The following RASA2 variants were observed in gnomAD, a reference collection of about 807,000 sequenced individuals.
RASA2 encodes the protein ras GTPase-activating protein 2.
RASA2 carries 155 observed loss-of-function variants against 118.2 expected under a neutral mutation model. That is an observed-to-expected ratio of 1.31 (90% confidence interval 1.15 to 1.50). The LOEUF is 1.50. RASA2 is among the 40% of genes most tolerant of loss of function. The pLI is 0.00. For missense variants in RASA2, 1,016 were observed against 1,009.6 expected (o/e 1.01, Z -0.09); for synonymous variants, 353 against 349.1 (o/e 1.01, Z -0.12).
intron 4 of RASA2, among the ~76,000 whole-genome samples, chr3:141,539,932 T>G (rs2082383438): frequency 6.6e-6 from 1 of 152,174 alleles, no homozygotes; most frequent in Non-Finnish European, 1.5e-5. Flanking sequence ...ATCTTTTGTT[T>G]ATTGTCTTCC....
In RASA2 at chr3:141,612,727, A is replaced by G. The variant is rs1207723432; in HGVS notation, c.*414A>G. ...ACATTGTGTTTTACTAGAAAATTCC[A>G]ATTCATGACAGTTCAGAGCTTTTCA... On this transcript the variant is annotated 3_prime_UTR_variant, in exon 24 of 24. Coordinates refer to ENST00000286364, the MANE Select transcript of RASA2 (RefSeq NM_006506.5). 2 of 156,782 alleles carry G rather than the reference A, an allele frequency of 1.3e-5. No homozygotes were observed. Among genetic ancestry groups the G allele is most frequent in the Admixed American group, 1.3e-4 (2 of 15,660 alleles). 9.7% of individuals were successfully genotyped at this position (156,782 alleles called of 1,614,324 possible).
At chr3:141,601,919 T>G (rs146155741) in intron 19 of RASA2, among the ~76,000 whole-genome samples, 224 of 152,360 alleles carry the variant, frequency 1.5e-3, no homozygotes, top group African/African-American at 5.1e-3. Context: ...ATTTAGCTCA[T>G]GTGAATTTTT....
chr3:141,514,861 C>T (rs779811441), intron 2 of RASA2, among the ~76,000 whole-genome samples: 23 of 152,204 alleles, frequency 1.5e-4, no homozygotes, highest in Non-Finnish European at 3.2e-4. Flanking sequence ...ACAACAACAT[C>T]GAAAAAATCT....
chr3:141,534,228 G>C (rs780171413), intron 4 of RASA2, among the ~76,000 whole-genome samples: 1 of 152,108 alleles, frequency 6.6e-6, no homozygotes, highest in Non-Finnish European at 1.5e-5. Context: ...GTGATAAAAA[G>C]CATACTTTAC....
intron 19 of RASA2, among the ~76,000 whole-genome samples, chr3:141,598,804 G>C (rs1453041964): frequency 2.0e-5 from 3 of 152,026 alleles, no homozygotes; most frequent in Non-Finnish European, 2.9e-5. Flanking sequence ...ACCAAAGAAG[G>C]CTGGGCACGG....
At position 141,612,233 on chromosome 3, in the gene RASA2, A is replaced by G. The variant is rs781471091; in HGVS notation, c.2520-50A>G. ...ATGGATTATATATTTGTCACCCTTT[A>G]AATTTTTGTATTTCTTAAATTTTGA... is the stretch of plus-strand genomic sequence containing the variant. On this transcript the variant is annotated intron_variant, in intron 23 of 23. Coordinates refer to ENST00000286364, the MANE Select transcript of RASA2 (RefSeq NM_006506.5). 4.4e-6 allele frequency: 6 copies of G among 1,369,024 alleles called. No individual in the cohort carries two copies. In the South Asian group the frequency reaches 7.6e-5, roughly 17 times the overall value. The allele number at this position is 1,369,024 out of a possible 1,614,324, so 84.8% of individuals were successfully genotyped here.
chr3:141,558,986 A>C (rs1257639971), intron 8 of RASA2, 24 bp downstream of exon 8: 1 of 1,553,396 alleles, frequency 6.4e-7, no homozygotes, highest in South Asian at 1.2e-5. Context: ...GGTTTTACAG[A>C]ATTGCTTTTT....
At chr3:141,571,262 A>G in intron 10 of RASA2, 144 bp from the exon 11 acceptor site, 2 of 1,278,494 alleles carry the variant, frequency 1.6e-6, no homozygotes, top group Non-Finnish European at 2.2e-6. Context: ...TCCCACAATC[A>G]TCTCTGATAA....
At chr3:141,580,298 C>CT in intron 15 of RASA2, 70 bp from the exon 16 acceptor site, 1 of 1,198,292 alleles carries the variant, frequency 8.3e-7, no homozygotes. Context: ...TCCATTTACT[C>CT]TATTCTACTT....
At chr3:141,540,687 G>T (rs1478050851) in intron 5 of RASA2, 78 bp downstream of exon 5, 1 of 1,242,410 alleles carries the variant, frequency 8.0e-7, no homozygotes, top group South Asian at 1.4e-5. Flanking sequence ...CCAACTCCTT[G>T]TTTTAACTTC....
intron 10 of RASA2, 150 bp downstream of exon 10, chr3:141,571,218 A>T: frequency 8.4e-7 from 1 of 1,195,844 alleles, no homozygotes. Flanking sequence ...ATTTCTATTT[A>T]TCTGAACCAG....
rs761277674 is a variant in RASA2 at position 141,487,077 on chromosome 3, C to G, written c.-7C>G. On this transcript the variant is annotated 5_prime_UTR_variant, in exon 1 of 24. Transcript: ENST00000286364. ...CGGCAGGGCTGCGGCACGGGCCGGG[C>G]GGCACCATGGCGGCGGCGGCGCCTG... 2.2e-6 allele frequency: 3 copies of G among 1,334,578 alleles called. No individual in the cohort carries two copies. The highest frequency in any genetic ancestry group is 9.7e-7 in the Non-Finnish European group (1 of 1,030,330). 82.7% of individuals were successfully genotyped at this position (1,334,578 alleles called of 1,614,324 possible). A position where few individuals can be genotyped will look rare whatever the true frequency, so the allele number is the denominator to read the frequency against.
At chr3:141,513,499 A>C (rs985072408) in intron 2 of RASA2, among the ~76,000 whole-genome samples, 2 of 152,222 alleles carry the variant, frequency 1.3e-5, no homozygotes, top group Non-Finnish European at 2.9e-5. Flanking sequence ...TTTAGAAAAT[A>C]ATGCAAAGAG....
chr3:141,567,806 T>A (rs1170178463), intron 9 of RASA2, among the ~76,000 whole-genome samples: 1 of 152,154 alleles, frequency 6.6e-6, no homozygotes. Flanking sequence ...AGTACAAATG[T>A]TGAACAATTG....
At chr3:141,586,230 G>C (rs1305580990) in intron 18 of RASA2, 132 bp downstream of exon 18, 2 of 749,740 alleles carry the variant, frequency 2.7e-6, no homozygotes, top group Non-Finnish European at 4.1e-6. Flanking sequence ...TAGCAGTCAG[G>C]TAAGTCGCCT....
intron 19 of RASA2, among the ~76,000 whole-genome samples, chr3:141,603,374 C>T (rs2083496423): frequency 6.6e-6 from 1 of 151,952 alleles, no homozygotes; most frequent in Admixed American, 6.6e-5. Context: ...AGTTCGAGAC[C>T]AGCCTGGCCA....
intron 15 of RASA2, among the ~76,000 whole-genome samples, chr3:141,577,377 C>G (rs1287188043): frequency 6.6e-6 from 1 of 151,946 alleles, no homozygotes; most frequent in Non-Finnish European, 1.5e-5. Context: ...TATATTTTTT[C>G]ATCTGCTACT....
intron 3 of RASA2, among the ~76,000 whole-genome samples, chr3:141,529,501 C>G (rs2082228698): frequency 6.6e-6 from 1 of 152,010 alleles, no homozygotes. Context: ...ATGACCCAGA[C>G]AAATGTCTGC....
At chr3:141,515,818 T>G (rs2082014767) in intron 2 of RASA2, among the ~76,000 whole-genome samples, 1 of 149,680 alleles carries the variant, frequency 6.7e-6, no homozygotes, top group Non-Finnish European at 1.5e-5. Flanking sequence ...GAGAATCGCT[T>G]GAACCTGGGA....
Sources: gnomAD v4.1 joint callset for allele counts (sites outside exome capture counted in the v4.1 genomes callset) on GRCh38, gnomAD v4.1.1 for gene constraint, MANE v1.5 for transcripts, NCBI Gene and HGNC (gene_info 2026-07-23, HGNC 2026-07-21) for gene names.